The following PTPRD variants were observed in gnomAD, a reference collection of about 807,000 sequenced individuals.
The protein encoded by PTPRD is protein tyrosine phosphatase receptor type D, also known as receptor-type tyrosine-protein phosphatase delta.
Under a neutral mutation model 214.5 loss-of-function variants are expected in PTPRD, and 34 were observed. The ratio of observed to expected loss-of-function variants is 0.16; its 90% CI spans 0.12 to 0.21. The LOEUF (loss-of-function observed/expected upper bound fraction) is 0.21. Among genes scored for constraint, PTPRD ranks in the 10% least tolerant of loss-of-function variants. The pLI, the probability that PTPRD is intolerant of heterozygous loss-of-function variation, is 1.00. For missense variants in PTPRD, 2,545 were observed against 2,398.7 expected (o/e 1.06, Z -1.27); for synonymous variants, 1,128 against 845.7 (o/e 1.33, Z -5.79).
rs71332760 is a variant in PTPRD, at chr9:10,564,171, C to CTTTTTTTTTTTTTTTTTTTTTTTTTTTT, written c.-600+48226_-600+48227insAAAAAAAAAAAAAAAAAAAAAAAAAAAA. 1.5e-3 allele frequency among the ~76,000 whole-genome samples: 44 copies of CTTTTTTTTTTTTTTTTTTTTTTTTTTTT among 29,408 alleles called. 12 individuals are homozygous for CTTTTTTTTTTTTTTTTTTTTTTTTTTTT. Among genetic ancestry groups the CTTTTTTTTTTTTTTTTTTTTTTTTTTTT allele is most frequent in the Admixed American group, 2.6e-3 (4 of 1,538 alleles). 19.3% of individuals were successfully genotyped at this position (29,408 alleles called of 152,430 possible). A position where few individuals can be genotyped will look rare whatever the true frequency, so the allele number is the denominator to read the frequency against. The stretch of plus-strand genomic sequence containing the variant: ...GTGTGCACCACCACACTAGGCTATT[C>CTTTTTTTTTTTTTTTTTTTTTTTTTTTT]TTTTTTTTTTTTTTTTTTTTTTTTG... On this transcript the variant is annotated intron_variant, in intron 2 of 45. Transcript: ENST00000381196.
At chr9:8,904,056 AG>A (rs1279135329) in intron 11 of PTPRD, among the ~76,000 whole-genome samples, 1 of 152,208 alleles carries the variant, frequency 6.6e-6, no homozygotes, top group Non-Finnish European at 1.5e-5. Context: ...TTTACAAAAA[AG>A]TTGCAATAAT....
At chr9:10,340,335 T>C (rs1443928902) in intron 3 of PTPRD, among the ~76,000 whole-genome samples, 3 of 151,938 alleles carry the variant, frequency 2.0e-5, no homozygotes, top group Non-Finnish European at 4.4e-5. Context: ...TTACAGCATA[T>C]ACAGGGTCAA....
chr9:9,060,206 A>C (rs1389738950), intron 10 of PTPRD, among the ~76,000 whole-genome samples: 1 of 152,202 alleles, frequency 6.6e-6, no homozygotes, highest in Non-Finnish European at 1.5e-5. Flanking sequence ...ACGCATAGGA[A>C]AAATGACCAG....
intron 5 of PTPRD, among the ~76,000 whole-genome samples, chr9:9,881,774 T>G (rs2068788987): frequency 6.6e-6 from 1 of 152,134 alleles, no homozygotes; most frequent in African/African-American, 2.4e-5. Context: ...ACCATATCAT[T>G]TGCTTTAGCC....
At chr9:9,527,920 C>G (rs1355385540) in intron 8 of PTPRD, among the ~76,000 whole-genome samples, 1 of 152,140 alleles carries the variant, frequency 6.6e-6, no homozygotes, top group East Asian at 1.9e-4. Context: ...GCAACATAGT[C>G]CAGATATGAA....
At chr9:9,486,056 CAGG>C (rs1364837935) in intron 8 of PTPRD, among the ~76,000 whole-genome samples, 1 of 141,670 alleles carries the variant, frequency 7.1e-6, no homozygotes, top group East Asian at 2.2e-4. Flanking sequence ...GAGGCTGAGG[CAGG>C]AGAATAGCTT....
chr9:9,161,026 C>A (rs972724829), intron 10 of PTPRD, among the ~76,000 whole-genome samples: 1 of 151,874 alleles, frequency 6.6e-6, no homozygotes, highest in Non-Finnish European at 1.5e-5. Context: ...ATTACCAGAG[C>A]CTGGGATATG....
intron 8 of PTPRD, among the ~76,000 whole-genome samples, chr9:9,526,952 G>T (rs979946210): frequency 6.6e-6 from 1 of 152,040 alleles, no homozygotes; most frequent in Non-Finnish European, 1.5e-5. Flanking sequence ...TGGAGTCAAG[G>T]AGGTATTTCA....
At chr9:9,987,174 G>A (rs2095744484) in intron 4 of PTPRD, among the ~76,000 whole-genome samples, 1 of 152,084 alleles carries the variant, frequency 6.6e-6, no homozygotes, top group Non-Finnish European at 1.5e-5. Context: ...TCTCTGGGTA[G>A]GCTGACTATT....
At chr9:8,557,205 G>A (rs562728816) in intron 14 of PTPRD, among the ~76,000 whole-genome samples, 8 of 151,778 alleles carry the variant, frequency 5.3e-5, no homozygotes, top group Admixed American at 1.3e-4. Context: ...CCACTCTGGC[G>A]CCATGAATAC....
chr9:9,900,173 G>C (rs896654922), intron 5 of PTPRD, among the ~76,000 whole-genome samples: 1 of 152,122 alleles, frequency 6.6e-6, no homozygotes, highest in Non-Finnish European at 1.5e-5. Context: ...CACATGCCCA[G>C]GCTGCAGAAT....
At chr9:10,315,881 G>C (rs559739817) in intron 3 of PTPRD, among the ~76,000 whole-genome samples, 1 of 151,744 alleles carries the variant, frequency 6.6e-6, no homozygotes, top group African/African-American at 2.4e-5. Flanking sequence ...TTTAAGAAAT[G>C]AGTCTTTCTC....
chr9:9,736,278 A>G (rs2098293242), intron 6 of PTPRD, among the ~76,000 whole-genome samples: 1 of 152,070 alleles, frequency 6.6e-6, no homozygotes, highest in East Asian at 1.9e-4. Context: ...ATCTACTTGG[A>G]ATCATGTACT....
intron 10 of PTPRD, among the ~76,000 whole-genome samples, chr9:9,089,659 C>G (rs10977478): frequency 0.095 from 14,507 of 152,166 alleles, 835 homozygotes; most frequent in East Asian, 0.16. Context: ...TATTTAGGTT[C>G]TCCTCTCCAA....
At chr9:10,006,773 G>A (rs1441125759) in intron 4 of PTPRD, among the ~76,000 whole-genome samples, 3 of 151,652 alleles carry the variant, frequency 2.0e-5, no homozygotes, top group Non-Finnish European at 4.4e-5. Context: ...AAAGAATGCT[G>A]GTCAAAGACT....
intron 11 of PTPRD, among the ~76,000 whole-genome samples, chr9:8,739,198 C>A (rs572596941): frequency 2.0e-5 from 3 of 152,296 alleles, no homozygotes; most frequent in African/African-American, 7.2e-5. Context: ...GGGGGCACCC[C>A]AGGAATTCCC....
chr9:9,735,650 T>C (rs1040969579), intron 6 of PTPRD, among the ~76,000 whole-genome samples: 5 of 152,108 alleles, frequency 3.3e-5, no homozygotes, highest in African/African-American at 1.2e-4. Context: ...CTAAAATCAT[T>C]TGAGAAGATC....
At chr9:10,529,287 C>G (rs2134571575) in intron 2 of PTPRD, among the ~76,000 whole-genome samples, 1 of 152,146 alleles carries the variant, frequency 6.6e-6, no homozygotes, top group East Asian at 1.9e-4. Context: ...TATTGTGGCA[C>G]TGTTCACAAT....
At chr9:10,593,286 C>T (rs1209135908) in intron 2 of PTPRD, among the ~76,000 whole-genome samples, 1 of 151,830 alleles carries the variant, frequency 6.6e-6, no homozygotes, top group East Asian at 1.9e-4. Context: ...GAACAAGCTC[C>T]CAGGAGATAC....
Sources: allele counts gnomAD v4.1 joint callset (sites outside exome capture counted in the v4.1 genomes callset), GRCh38; gene constraint gnomAD v4.1.1; transcripts MANE v1.5; gene names NCBI Gene and HGNC (gene_info 2026-07-23, HGNC 2026-07-21).